The following FRMD4B variants were observed in gnomAD, a reference collection of about 807,000 sequenced individuals.
The protein encoded by FRMD4B is FERM domain-containing protein 4B.
In FRMD4B, 74 loss-of-function variants were observed where a neutral mutation model predicts 141.5. The observed-to-expected ratio is 0.52, with a 90% confidence interval of 0.43 to 0.63. The LOEUF (loss-of-function observed/expected upper bound fraction) is 0.63, where lower values mean the gene tolerates loss of function less well. Ranked by LOEUF, FRMD4B falls within the 30% of genes least tolerant of loss-of-function variation. The probability of loss-of-function intolerance (pLI) is 0.00; values close to 1 mark genes in which losing one functional copy is unlikely to be tolerated. For missense variants in FRMD4B, 1,366 were observed against 1,253.4 expected, an observed-to-expected ratio of 1.09 and a Z score of -1.36; for synonymous variants, 506 against 467.9, an observed-to-expected ratio of 1.08 and a Z score of -1.05.
intron 13 of FRMD4B, 133 bp downstream of exon 13, chr3:69,196,767 A>T: frequency 1.5e-6 from 1 of 654,814 alleles, no homozygotes; most frequent in Non-Finnish European, 2.6e-6. Flanking sequence ...AACCTGAAAT[A>T]GTTGGAAGTT....
chr3:69,263,734 T>A (rs540892860), intron 5 of FRMD4B, among the ~76,000 whole-genome samples: 1 of 151,052 alleles, frequency 6.6e-6, no homozygotes, highest in African/African-American at 2.4e-5. Flanking sequence ...TTAATATGTA[T>A]ATTATTCTTC....
Position 69,211,037 on chromosome 3 carries a change from AAAAG to A in FRMD4B, c.876+5222_876+5225del, listed in dbSNP as rs1256697756. ...AATGCCATCTCGAAAAAAAAAAAAA[AAAAG>A]AAAGAAAATTTGAGAGTGGATTCTT... On this transcript the variant is annotated intron_variant, in intron 11 of 22. Coordinates refer to ENST00000398540, the MANE Select transcript of FRMD4B (RefSeq NM_015123.3). 1.3e-3 allele frequency among the ~76,000 whole-genome samples: 192 copies of A among 151,446 alleles called. 1 individual carries two copies. Among genetic ancestry groups the A allele is most frequent in the African/African-American group, 4.5e-3 (184 of 41,178 alleles).
intron 1 of FRMD4B, among the ~76,000 whole-genome samples, chr3:69,349,585 T>G (rs1703064528): frequency 6.6e-6 from 1 of 152,160 alleles, no homozygotes; most frequent in Admixed American, 6.5e-5. Context: ...ACTACAAGGC[T>G]ACAGTAACCA....
intron 19 of FRMD4B, among the ~76,000 whole-genome samples, chr3:69,187,029 A>G (rs889183235): frequency 5.3e-5 from 8 of 152,170 alleles, no homozygotes; most frequent in African/African-American, 1.9e-4. Context: ...TTTACAGATT[A>G]TGAGTTTAAG....
intron 2 of FRMD4B, 40 bp downstream of exon 2, chr3:69,313,412 C>T: frequency 7.0e-7 from 1 of 1,436,116 alleles, no homozygotes; most frequent in Non-Finnish European, 9.6e-7. Flanking sequence ...CCTACCTGGG[C>T]AAGACTTATC....
intron 1 of FRMD4B, among the ~76,000 whole-genome samples, chr3:69,510,668 G>T (rs1706672883): frequency 1.3e-5 from 2 of 152,160 alleles, no homozygotes; most frequent in Admixed American, 6.6e-5. Flanking sequence ...CAAAGGTGTT[G>T]ATGACCACAG....
At chr3:69,452,702 C>A (rs4855407) in intron 1 of FRMD4B, among the ~76,000 whole-genome samples, 101,223 of 152,098 alleles carry the variant, frequency 0.67, 34,358 homozygotes, top group East Asian at 0.85. Context: ...GAGACTGAGA[C>A]TATATAGCAA....
chr3:69,194,008 G>C lies in FRMD4B; in HGVS notation c.1489-135C>G, dbSNP rs182538440. 220 of 620,158 alleles carry C rather than the reference G, an allele frequency of 3.5e-4. 2 individuals carry two copies. The East Asian group carries it at 4.9e-3, about 14-fold the overall frequency. The allele number at this position is 620,158 out of a possible 1,614,324, so 38.4% of individuals were successfully genotyped here. A position where few individuals can be genotyped will look rare whatever the true frequency, so the allele number is the denominator to read the frequency against. Reference sequence around the variant, plus strand: ...GAACACTATCTTCCCAACTTTTACTGCATAGACATCCTTGTCAAACACTTT... The same window carrying C: ...GAACACTATCTTCCCAACTTTTACTCCATAGACATCCTTGTCAAACACTTT... On this transcript the variant is annotated intron_variant, in intron 16 of 22. Transcript: ENST00000398540.
intron 1 of FRMD4B, among the ~76,000 whole-genome samples, chr3:69,364,714 T>C (rs1703586381): frequency 6.6e-6 from 1 of 152,144 alleles, no homozygotes; most frequent in South Asian, 2.1e-4. Flanking sequence ...TGAAATCTCA[T>C]CGAGACAATT....
chr3:69,173,228 C>T (rs937694213), intron 22 of FRMD4B, among the ~76,000 whole-genome samples: 1 of 151,946 alleles, frequency 6.6e-6, no homozygotes, highest in African/African-American at 2.4e-5. Flanking sequence ...AGCAGTAGAG[C>T]CAAGAATTTG....
chr3:69,501,408 G>A (rs1706495845), intron 1 of FRMD4B, among the ~76,000 whole-genome samples: 1 of 151,930 alleles, frequency 6.6e-6, no homozygotes, highest in Non-Finnish European at 1.5e-5. Context: ...ACTAGGTAAG[G>A]GCATGGATTC....
At chr3:69,408,932 C>T (rs568610022) in intron 2 of FRMD4B, among the ~76,000 whole-genome samples, 4 of 152,210 alleles carry the variant, frequency 2.6e-5, no homozygotes, top group African/African-American at 9.6e-5. Flanking sequence ...GGGGTAAAAT[C>T]CCAGCTCTGC....
intron 1 of FRMD4B, among the ~76,000 whole-genome samples, chr3:69,347,055 A>G (rs1702971178): frequency 6.6e-6 from 1 of 152,258 alleles, no homozygotes; most frequent in African/African-American, 2.4e-5. Context: ...TAAAGAGTCA[A>G]GACCCATCAG....
intron 2 of FRMD4B, among the ~76,000 whole-genome samples, chr3:69,403,363 A>T: frequency 6.6e-6 from 1 of 152,212 alleles, no homozygotes; most frequent in East Asian, 1.9e-4. Flanking sequence ...AACTGGCTCA[A>T]CTGGGCAGTT....
At chr3:69,185,944 A>C (rs2092761906) in intron 19 of FRMD4B, among the ~76,000 whole-genome samples, 1 of 151,398 alleles carries the variant, frequency 6.6e-6, no homozygotes, top group Non-Finnish European at 1.5e-5. Flanking sequence ...TGGAAGGCTG[A>C]GGGGGGAGAA....
chr3:69,508,488 C>T (rs1706635817), intron 1 of FRMD4B, among the ~76,000 whole-genome samples: 1 of 152,032 alleles, frequency 6.6e-6, no homozygotes, highest in African/African-American at 2.4e-5. Flanking sequence ...TCTTTATTTC[C>T]TAGTCAATGA....
intron 1 of FRMD4B, among the ~76,000 whole-genome samples, chr3:69,331,441 T>A (rs1702367689): frequency 6.6e-6 from 1 of 152,198 alleles, no homozygotes. Context: ...AAGTCATGTA[T>A]CCTCTCTGAG....
chr3:69,336,423 C>A (rs970520983), intron 1 of FRMD4B: 1 of 152,184 alleles, frequency 6.6e-6, no homozygotes, highest in Non-Finnish European at 1.5e-5. Context: ...GAGTTTGTTT[C>A]AGATGCAGCA....
intron 2 of FRMD4B, among the ~76,000 whole-genome samples, chr3:69,407,307 A>C (rs1359025137): frequency 6.6e-6 from 1 of 152,214 alleles, no homozygotes; most frequent in Non-Finnish European, 1.5e-5. Context: ...TCCACCTATG[A>C]AGCCACTTAG....
Sources: gnomAD v4.1 joint callset for allele counts (sites outside exome capture counted in the v4.1 genomes callset) on GRCh38, gnomAD v4.1.1 for gene constraint, MANE v1.5 for transcripts, NCBI Gene and HGNC (gene_info 2026-07-23, HGNC 2026-07-21) for gene names.